LRRC4C: variants seen among roughly 807,000 people sequenced by gnomAD.
LRRC4C encodes leucine-rich repeat-containing protein 4C.
In LRRC4C, 5 loss-of-function variants were observed where a neutral mutation model predicts 33.6. The ratio of observed to expected loss-of-function variants is 0.15; its 90% CI spans 0.08 to 0.31. LRRC4C has a LOEUF of 0.31. Ranked by LOEUF, LRRC4C falls within the 10% of genes least tolerant of loss-of-function variation. LRRC4C has a pLI of 1.00. For missense variants in LRRC4C, 560 were observed against 796.7 expected (o/e 0.70, Z 3.58); for synonymous variants, 329 against 302.0 (o/e 1.09, Z -0.93).
chr11:40,147,503 C>A (rs905947799), intron 5 of LRRC4C, among the ~76,000 whole-genome samples: 26 of 152,034 alleles, frequency 1.7e-4, no homozygotes. Flanking sequence ...AGCCTTTCTT[C>A]TGCATTTTTT....
chr11:40,902,440 G>A (rs962341073), intron 2 of LRRC4C, among the ~76,000 whole-genome samples: 3 of 151,960 alleles, frequency 2.0e-5, no homozygotes, highest in African/African-American at 7.2e-5. Context: ...TTAGATCAAC[G>A]AATGACCTTA....
At chr11:40,626,587 T>C (rs2135984730) in intron 3 of LRRC4C, among the ~76,000 whole-genome samples, 1 of 152,294 alleles carries the variant, frequency 6.6e-6, no homozygotes, top group Non-Finnish European at 1.5e-5. Context: ...TTCCACTCTC[T>C]GCACTAGGCA....
intron 5 of LRRC4C, among the ~76,000 whole-genome samples, chr11:40,195,602 GA>G (rs929470548): frequency 6.6e-6 from 1 of 151,314 alleles, no homozygotes; most frequent in Non-Finnish European, 1.5e-5. Flanking sequence ...TCTTGGAAAT[GA>G]AAAAAAATCA....
At chr11:40,720,692 A>G (rs1287979377) in intron 2 of LRRC4C, among the ~76,000 whole-genome samples, 1 of 152,212 alleles carries the variant, frequency 6.6e-6, no homozygotes, top group African/African-American at 2.4e-5. Flanking sequence ...GTAACTTGAT[A>G]GAGGTCTCAG....
intron 3 of LRRC4C, among the ~76,000 whole-genome samples, chr11:40,524,063 A>G (rs1315069723): frequency 2.0e-5 from 3 of 152,206 alleles, no homozygotes; most frequent in Non-Finnish European, 1.5e-5. Context: ...TTGCTAACTC[A>G]GAATCCGGAT....
At chr11:40,933,236 C>G (rs570654934) in intron 2 of LRRC4C, among the ~76,000 whole-genome samples, 1 of 152,318 alleles carries the variant, frequency 6.6e-6, no homozygotes, top group African/African-American at 2.4e-5. Flanking sequence ...TTACTAGAAG[C>G]AGAGCAGTTA....
intron 4 of LRRC4C, among the ~76,000 whole-genome samples, chr11:40,265,460 C>T (rs1942178466): frequency 6.6e-6 from 1 of 152,184 alleles, no homozygotes. Flanking sequence ...TCTAAATCCT[C>T]CATAGTCTAA....
intron 2 of LRRC4C, among the ~76,000 whole-genome samples, chr11:40,651,166 T>C (rs932069501): frequency 2.0e-5 from 3 of 152,218 alleles, no homozygotes; most frequent in Non-Finnish European, 2.9e-5. Flanking sequence ...GCCACAAGTT[T>C]ATGAATAAAG....
At chr11:40,171,377 A>AT (rs1565085417) in intron 5 of LRRC4C, among the ~76,000 whole-genome samples, 5 of 152,136 alleles carry the variant, frequency 3.3e-5, no homozygotes, top group Non-Finnish European at 7.4e-5. Flanking sequence ...GGAGGCAAAA[A>AT]TTTATGAACA....
chr11:40,909,674 G>A (rs1956581372), intron 2 of LRRC4C, among the ~76,000 whole-genome samples: 1 of 152,078 alleles, frequency 6.6e-6, no homozygotes, highest in African/African-American at 2.4e-5. Flanking sequence ...CTATAGCAGA[G>A]TGGGAGGAAA....
chr11:40,609,098 C>T (rs1352309667), intron 3 of LRRC4C, among the ~76,000 whole-genome samples: 1 of 151,934 alleles, frequency 6.6e-6, no homozygotes, highest in Non-Finnish European at 1.5e-5. Flanking sequence ...AACATTCCAC[C>T]CAACGGTAGC....
chr11:40,475,570 G>C (rs1213146421), intron 3 of LRRC4C, among the ~76,000 whole-genome samples: 2 of 151,976 alleles, frequency 1.3e-5, no homozygotes, highest in African/African-American at 4.8e-5. Flanking sequence ...TTCACGTTCT[G>C]CCCATGTATC....
At chr11:40,167,551 T>G (rs1293932663) in intron 5 of LRRC4C, among the ~76,000 whole-genome samples, 1 of 152,112 alleles carries the variant, frequency 6.6e-6, no homozygotes, top group East Asian at 1.9e-4. Context: ...AGTTTTCCAC[T>G]TTGGGATTTT....
At chr11:40,659,866 T>C (rs1040874056) in intron 2 of LRRC4C, among the ~76,000 whole-genome samples, 1 of 152,176 alleles carries the variant, frequency 6.6e-6, no homozygotes, top group Non-Finnish European at 1.5e-5. Context: ...TCCATGTACC[T>C]CATTCTTTAT....
chr11:41,258,163 C>T (rs191966202), intron 1 of LRRC4C, among the ~76,000 whole-genome samples: 21 of 151,836 alleles, frequency 1.4e-4, no homozygotes, highest in South Asian at 2.1e-4. Context: ...TGGCTTTAAC[C>T]GGAGTATGCA....
intron 4 of LRRC4C, among the ~76,000 whole-genome samples, chr11:40,270,006 G>C (rs11826239): frequency 0.13 from 19,974 of 152,124 alleles, 2,328 homozygotes; most frequent in African/African-American, 0.31. Flanking sequence ...TAAGGTTACA[G>C]CTAAGGCTTC....
intron 1 of LRRC4C, among the ~76,000 whole-genome samples, chr11:41,017,524 T>C (rs1369445836): frequency 6.6e-6 from 1 of 152,100 alleles, no homozygotes; most frequent in Non-Finnish European, 1.5e-5. Flanking sequence ...AATTGAACAA[T>C]TGTTTAATCA....
intron 5 of LRRC4C, among the ~76,000 whole-genome samples, chr11:40,213,357 G>A (rs188857532): frequency 9.4e-4 from 143 of 152,234 alleles, no homozygotes; most frequent in Non-Finnish European, 1.7e-3. Context: ...GCCAGCACCC[G>A]TAGGGATATG....
chr11:40,177,766 T>C (rs1171212292), intron 5 of LRRC4C, among the ~76,000 whole-genome samples: 2 of 152,230 alleles, frequency 1.3e-5, no homozygotes, highest in Non-Finnish European at 2.9e-5. Flanking sequence ...ATTTTATAAT[T>C]TCCTTGCATT....
Sources: gnomAD v4.1 joint callset for allele counts (sites outside exome capture counted in the v4.1 genomes callset) on GRCh38, gnomAD v4.1.1 for gene constraint, MANE v1.5 for transcripts, NCBI Gene and HGNC (gene_info 2026-07-23, HGNC 2026-07-21) for gene names.